TPST2: variants seen among roughly 807,000 people sequenced by gnomAD.
TPST2 encodes the protein protein-tyrosine sulfotransferase 2.
TPST2 carries 16 observed loss-of-function variants against 27.8 expected under a neutral mutation model. The ratio of observed to expected loss-of-function variants is 0.58; its 90% CI spans 0.39 to 0.88. The LOEUF is 0.88. Ranked by LOEUF, TPST2 falls within the 40% of genes least tolerant of loss-of-function variation. TPST2 has a pLI of 0.00. For synonymous variants in TPST2, 229 were observed against 231.7 expected (o/e 0.99, Z 0.10); for missense variants, 464 against 543.1 (o/e 0.85, Z 1.45).
rs896478979 is a variant in TPST2, at chr22:26,524,634, A to G, written c.*1641T>C. ...CCAAAAACCCATGCCCCAAGCCACA[A>G]TAAGTCACTGCCTTCCAAAAGCCTC... On this transcript the variant is annotated 3_prime_UTR_variant, in exon 7 of 7. Coordinates refer to ENST00000338754, the MANE Select transcript of TPST2 (RefSeq NM_003595.5). 2.6e-5 allele frequency: 4 copies of G among 152,292 alleles called. No individual in the cohort carries two copies. The highest frequency in any genetic ancestry group is 9.6e-5 in the African/African-American group (4 of 41,470). 9.4% of individuals were successfully genotyped at this position (152,292 alleles called of 1,614,324 possible).
At chr22:26,579,813 A>G (rs1176924457) in intron 1 of TPST2, among the ~76,000 whole-genome samples, 1 of 151,470 alleles carries the variant, frequency 6.6e-6, no homozygotes, top group East Asian at 1.9e-4. Flanking sequence ...AGGGAGATAG[A>G]GACAGAGGAT....
rs144693163 is a variant in TPST2 at position 26,589,047 on chromosome 22, G to T, written c.-161+1006C>A. Among the ~76,000 whole-genome samples the T allele has an allele frequency of 2.3e-3, 349 of 152,262 alleles. 2 individuals carry two copies. Among genetic ancestry groups the T allele is most frequent in the African/African-American group, 7.7e-3 (318 of 41,536 alleles). On this transcript the variant is annotated intron_variant, in intron 1 of 6. Coordinates refer to ENST00000338754, the MANE Select transcript of TPST2 (RefSeq NM_003595.5). ...GTGCTGCTTGAGGGGGCTTCTGTAG[G>T]ATAAGTAGGAGTTCAACAGCCCGCC...
At chr22:26,563,035 G>C (rs1289116874) in intron 1 of TPST2, among the ~76,000 whole-genome samples, 1 of 152,178 alleles carries the variant, frequency 6.6e-6, no homozygotes, top group African/African-American at 2.4e-5. Flanking sequence ...CCAGCACAAA[G>C]AATCATCCAG....
intron 1 of TPST2, among the ~76,000 whole-genome samples, chr22:26,580,484 TG>T (rs1928058562): frequency 6.6e-6 from 1 of 152,188 alleles, no homozygotes; most frequent in Non-Finnish European, 1.5e-5. Context: ...TCACCTGTTG[TG>T]GGGCTCTCCA....
intron 1 of TPST2, among the ~76,000 whole-genome samples, chr22:26,578,560 A>G (rs1855140903): frequency 6.6e-6 from 1 of 152,176 alleles, no homozygotes; most frequent in South Asian, 2.1e-4. Context: ...CAAGGTCCTC[A>G]GAGAAGGAAG....
Position 26,571,340 on chromosome 22 carries a change from G to A in TPST2, c.-161+18713C>T, listed in dbSNP as rs147384672. On this transcript the variant is annotated intron_variant, in intron 1 of 6. Transcript: ENST00000338754. ...TCACCCTCCTGTCCTCTCTCACATC[G>A]CACTTCTTCAAGGCCTCTTCTGATC... Among the ~76,000 whole-genome samples, 241 of 151,744 alleles carry A rather than the reference G, an allele frequency of 1.6e-3. 3 individuals carry two copies. The highest frequency in any genetic ancestry group is 5.5e-3 in the African/African-American group (227 of 41,382).
At position 26,541,576 on chromosome 22, in the gene TPST2, C is replaced by T; in HGVS notation, c.55G>A (p.Val19Met). Reference sequence around the variant, plus strand: ...TGCTGTCCCAGCTGAACCGCCAGCACCAGGACCAGGGCGCAGCCGGCTGCC... The same window carrying T: ...TGCTGTCCCAGCTGAACCGCCAGCATCAGGACCAGGGCGCAGCCGGCTGCC... ...LLAAGCALVL[V>M]LAVQLGQQVL... Residue 19 changes from valine to methionine, a missense_variant, in exon 3 of 7, where the codon GTG (valine) becomes ATG (methionine). By Grantham distance (21) the Val-to-Met change is conservative. Coordinates refer to ENST00000338754, the MANE Select transcript of TPST2 (RefSeq NM_003595.5). The surrounding 1 kb of genome is among the most constrained non-coding windows in gnomAD (Gnocchi z 5.9). 1.2e-6 allele frequency: 2 copies of T among 1,607,740 alleles called. No individual in the cohort carries two copies. The highest frequency in any genetic ancestry group is 1.7e-6 in the Non-Finnish European group (2 of 1,178,388).
rs4820688 is a variant in TPST2, at chr22:26,564,573, C to T, written c.-160-19898G>A. ...TGCACATCTTAGCCTCAGTTTCCTCCCCTAAAAATGGGCTCCTACCACTCA... is the reference window on the plus strand; with the variant it reads ...TGCACATCTTAGCCTCAGTTTCCTCTCCTAAAAATGGGCTCCTACCACTCA... On this transcript the variant is annotated intron_variant, in intron 1 of 6. Coordinates refer to ENST00000338754, the MANE Select transcript of TPST2 (RefSeq NM_003595.5). Among the ~76,000 whole-genome samples the T allele has an allele frequency of 3.7e-3, 560 of 152,298 alleles. 8 individuals carry two copies. The highest frequency in any genetic ancestry group is 0.036 in the East Asian group (186 of 5,178).
intron 1 of TPST2, among the ~76,000 whole-genome samples, chr22:26,581,012 ACAT>A (rs1343337370): frequency 1.8e-4 from 12 of 66,022 alleles, no homozygotes; most frequent in African/African-American, 8.0e-4. Flanking sequence ...CCAACCCTCA[ACAT>A]ACATACACAC....
At chr22:26,562,716 C>G (rs564171947) in intron 1 of TPST2, among the ~76,000 whole-genome samples, 1 of 152,000 alleles carries the variant, frequency 6.6e-6, no homozygotes, top group South Asian at 2.1e-4. Context: ...CTCCGCCTCC[C>G]AGGTTCAAGC....
Position 26,555,214 on chromosome 22 carries a change from G to A in TPST2, c.-160-10539C>T, listed in dbSNP as rs370861124. On this transcript the variant is annotated intron_variant, in intron 1 of 6. Transcript: ENST00000338754. Reference sequence around the variant, plus strand: ...TCTGTGAAACACCGCTTAAGGCACTGAACTCAGCGTTCTAGTAGGCTGGTG... The same window carrying A: ...TCTGTGAAACACCGCTTAAGGCACTAAACTCAGCGTTCTAGTAGGCTGGTG... The A allele has an allele frequency of 1.7e-5, 9 of 533,630 alleles. No individual in the cohort carries two copies. The African/African-American group carries it at 1.7e-4, about 10-fold the overall frequency. The allele number at this position is 533,630 out of a possible 1,614,324, so 33.1% of individuals were successfully genotyped here.
rs1194920600 is a variant in TPST2 at position 26,524,574 on chromosome 22, G to C, written c.*1701C>G. 1 of 152,098 alleles carries C rather than the reference G, an allele frequency of 6.6e-6. No homozygotes were observed. The highest frequency in any genetic ancestry group is 1.5e-5 in the Non-Finnish European group (1 of 68,052). 9.4% of individuals were successfully genotyped at this position (152,098 alleles called of 1,614,324 possible). ...CCCATTTTACAGATGAAGAGACAAA[G>C]TCTCAAGCCATACAGCCAGTAGGTC... On this transcript the variant is annotated 3_prime_UTR_variant, in exon 7 of 7. Transcript: ENST00000338754.
chr22:26,542,406 G>A (rs769804596), intron 2 of TPST2, among the ~76,000 whole-genome samples: 15 of 151,514 alleles, frequency 9.9e-5, no homozygotes, highest in Admixed American at 3.9e-4. Context: ...ACAGGGTCTC[G>A]CTTCAAGTGA....
At chr22:26,547,981 A>C (rs1926215423) in intron 1 of TPST2, among the ~76,000 whole-genome samples, 1 of 152,216 alleles carries the variant, frequency 6.6e-6, no homozygotes, top group African/African-American at 2.4e-5. Flanking sequence ...TTATGGGCCC[A>C]GACTGCTTGG....
At chr22:26,529,420 A>G (rs1925026301) in intron 5 of TPST2, among the ~76,000 whole-genome samples, 1 of 152,166 alleles carries the variant, frequency 6.6e-6, no homozygotes, top group South Asian at 2.1e-4. Flanking sequence ...ATGAGCCACC[A>G]CACCCAGCCA....
At chr22:26,557,378 C>T (rs1407849968) in intron 1 of TPST2, among the ~76,000 whole-genome samples, 1 of 152,186 alleles carries the variant, frequency 6.6e-6, no homozygotes. Flanking sequence ...GTAAAATGGG[C>T]CCAATAATTC....
intron 1 of TPST2, 112 bp from the exon 2 acceptor site, chr22:26,544,787 T>C: frequency 2.1e-6 from 1 of 477,516 alleles, no homozygotes; most frequent in Middle Eastern, 1.1e-3. Flanking sequence ...ACAGTGACAT[T>C]TGGGAGAAGG....
intron 1 of TPST2, among the ~76,000 whole-genome samples, chr22:26,548,944 G>C (rs934422091): frequency 3.9e-5 from 6 of 152,046 alleles, no homozygotes; most frequent in African/African-American, 9.7e-5. Flanking sequence ...CTCCAGCCTC[G>C]GTGTCAGAGG....
chr22:26,577,496 T>C (rs928915385), intron 1 of TPST2, among the ~76,000 whole-genome samples: 1 of 151,648 alleles, frequency 6.6e-6, no homozygotes, highest in Non-Finnish European at 1.5e-5. Flanking sequence ...TACAAGTGTG[T>C]GCCACCATGC....
Sources: allele counts gnomAD v4.1 joint callset (sites outside exome capture counted in the v4.1 genomes callset), GRCh38; gene constraint gnomAD v4.1.1; non-coding constraint Gnocchi (gnomAD v3.1); transcripts MANE v1.5; gene names NCBI Gene and HGNC (gene_info 2026-07-23, HGNC 2026-07-21).